The following PTBP3 variants were observed in gnomAD, a reference collection of about 807,000 sequenced individuals.
The protein encoded by PTBP3 is polypyrimidine tract binding protein 3.
PTBP3 carries 20 observed loss-of-function variants against 58.7 expected under a neutral mutation model. The observed-to-expected ratio is 0.34, with a 90% CI of 0.24 to 0.50. PTBP3 has a LOEUF of 0.50. Ranked by LOEUF, PTBP3 falls within the 20% of genes least tolerant of loss-of-function variation. The pLI, the probability that PTBP3 is intolerant of heterozygous loss-of-function variation, is 0.98. For missense variants in PTBP3, 509 were observed against 637.2 expected (o/e 0.80, Z 2.17); for synonymous variants, 185 against 219.8 (o/e 0.84, Z 1.40).
chr9:112,234,939 T>C, intron 7 of PTBP3, 42 bp from the exon 8 acceptor site: 2 of 1,494,378 alleles, frequency 1.3e-6, no homozygotes, highest in East Asian at 2.3e-5. Flanking sequence ...CTACCTTCTA[T>C]AAATATCGTT....
At chr9:112,228,784 C>CTGGG (rs1835091771) in intron 10 of PTBP3, among the ~76,000 whole-genome samples, 1 of 152,202 alleles carries the variant, frequency 6.6e-6, no homozygotes, top group African/African-American at 2.4e-5. Context: ...AGCCAGAAAC[C>CTGGG]TGGGAGTCAT....
chr9:112,346,506 T>C, the PTBP3 span, among the ~76,000 whole-genome samples: 8 of 152,130 alleles, frequency 5.3e-5, no homozygotes, highest in Admixed American at 2.0e-4. Flanking sequence ...AGGAGGCATT[T>C]AGGGGAAAAA....
chr9:112,306,205 C>T (rs1374531095), intron 1 of PTBP3, among the ~76,000 whole-genome samples: 2 of 151,944 alleles, frequency 1.3e-5, no homozygotes, highest in Non-Finnish European at 2.9e-5. Context: ...CACTCTGTCG[C>T]CCAGGCTGAA....
rs1834720551 is a variant in PTBP3 at position 112,219,121 on chromosome 9, G to A, written c.*4730C>T. 1 of 152,588 alleles carries A rather than the reference G, an allele frequency of 6.6e-6. No individual in the cohort carries two copies. The highest frequency in any genetic ancestry group is 1.5e-5 in the Non-Finnish European group (1 of 68,054). The allele number at this position is 152,588 out of a possible 1,614,324, so 9.5% of individuals were successfully genotyped here. A position where few individuals can be genotyped will look rare whatever the true frequency, so the allele number is the denominator to read the frequency against. Reference sequence around the variant, plus strand: ...GGTTCTTCTTTCAGAAAGGAGCTTGGGGAAAATGCAAAATGCTTTACAGAG... The same window carrying A: ...GGTTCTTCTTTCAGAAAGGAGCTTGAGGAAAATGCAAAATGCTTTACAGAG... On this transcript the variant is annotated 3_prime_UTR_variant, in exon 14 of 14. Transcript: ENST00000374257.
intron 4 of PTBP3, 83 bp from the exon 5 acceptor site, chr9:112,262,682 T>G: frequency 7.9e-7 from 1 of 1,271,230 alleles, no homozygotes; most frequent in Non-Finnish European, 1.0e-6. Flanking sequence ...TAAAACAGTA[T>G]GAAGCAATGT....
At chr9:112,355,241 T>C in the PTBP3 span, among the ~76,000 whole-genome samples, 2 of 152,120 alleles carry the variant, frequency 1.3e-5, no homozygotes, top group Admixed American at 1.3e-4. Context: ...GAGGGAGATA[T>C]TAAAGGAAAT....
At chr9:112,379,836 C>G in the PTBP3 span, 1 of 503,864 alleles carries the variant, frequency 2.0e-6, no homozygotes, top group South Asian at 2.4e-5. Context: ...TGACGCTGCC[C>G]AGACGCTAGG....
At chr9:112,242,170 C>T (rs1162801133) in intron 7 of PTBP3, among the ~76,000 whole-genome samples, 1 of 151,886 alleles carries the variant, frequency 6.6e-6, no homozygotes, top group Non-Finnish European at 1.5e-5. Flanking sequence ...CTGTGTTGCC[C>T]GAAATGGAGT....
At position 112,268,052 on chromosome 9, in the gene PTBP3, T is replaced by G. The variant is rs951516692; in HGVS notation, c.348A>C (p.Gln116His). 6 of 1,608,150 alleles carry G rather than the reference T, an allele frequency of 3.7e-6. No individual in the cohort carries two copies. In the African/African-American group the frequency reaches 8.0e-5, roughly 22 times the overall value. ...TAAAAACATCTTTAATACTTACAGC[T>G]TGATTAGGTAGATTGTCAGTCTTAA... ...RELKTDNLPN[Q>H]ARAQAALQAV... Residue 116 changes from glutamine to histidine, a missense_variant, in exon 4 of 14, where the codon CAA becomes CAC. By Grantham distance (24) the Gln-to-His change is conservative. Around this residue, in one of 4 missense-constraint regions of PTBP3, gnomAD observed 212 missense variants for 215.3 expected, o/e 0.98. Coordinates refer to ENST00000374257, the MANE Select transcript of PTBP3 (RefSeq NM_001163788.4).
At chr9:112,284,728 A>G (rs554703849) in intron 2 of PTBP3, among the ~76,000 whole-genome samples, 12 of 152,104 alleles carry the variant, frequency 7.9e-5, no homozygotes, top group South Asian at 2.1e-4. Context: ...AAACAAAACA[A>G]CAACAACAAA....
chr9:112,231,990 A>AAAAG (rs1835245663), intron 9 of PTBP3, 109 bp downstream of exon 9: 1 of 564,162 alleles, frequency 1.8e-6, no homozygotes, highest in African/African-American at 3.9e-5. Flanking sequence ...AGAAGAGAAG[A>AAAAG]GAAGAGAAGA....
rs1827594828 is a variant in PTBP3, at chr9:112,276,006, C to T, written c.42G>A (p.Gly14=). The T allele has an allele frequency of 6.2e-7, 1 of 1,611,308 alleles. No homozygotes were observed. The highest frequency in any genetic ancestry group is 8.5e-7 in the Non-Finnish European group (1 of 1,178,244). The change falls in exon 3 of 14, where the codon GGG becomes GGA. Residue 14 remains glycine (G), a synonymous_variant. Transcript: ENST00000374257. ...CTCGTTTAAATTTCTTGCTGTCATT[C>T]CCATTAGCTAAAAAACATAAGATTC... ...STPSTGVYAN[G]NDSKKFKRDR... is the part of the protein sequence containing the mutation.
chr9:112,352,124 T>G, the PTBP3 span, among the ~76,000 whole-genome samples: 1 of 152,056 alleles, frequency 6.6e-6, no homozygotes, highest in Admixed American at 6.6e-5. Flanking sequence ...TCTCACCATG[T>G]TGCCCAGGCT....
intron 1 of PTBP3, among the ~76,000 whole-genome samples, chr9:112,324,658 TTTTA>T (rs1401326102): frequency 7.3e-6 from 1 of 137,806 alleles, no homozygotes; most frequent in Non-Finnish European, 1.6e-5. Context: ...TTTTTTTTTT[TTTTA>T]AAAAAAAACA....
intron 1 of PTBP3, among the ~76,000 whole-genome samples, chr9:112,329,845 C>CTTTTT (rs10660630): frequency 2.3e-5 from 3 of 131,964 alleles, no homozygotes; most frequent in African/African-American, 2.9e-5. Flanking sequence ...CTAGGCTACA[C>CTTTTT]TTTTTTTTTT....
rs183218511 is a variant in PTBP3 at position 112,320,947 on chromosome 9, T to G, written c.-52+12523A>C. ...ATAAATGAGAAAATCTTCCTTCTCA[T>G]CTTTGGAATAAGCAGATTCCTTAGC... On this transcript the variant is annotated intron_variant, in intron 1 of 13. Transcript: ENST00000374257. Among the ~76,000 whole-genome samples the G allele has an allele frequency of 3.3e-4, 51 of 152,272 alleles. No individual in the cohort carries two copies. In the East Asian group the frequency reaches 9.1e-3, roughly 27 times the overall value.
At chr9:112,226,555 C>G (rs1000862758) in intron 12 of PTBP3, among the ~76,000 whole-genome samples, 10 of 152,112 alleles carry the variant, frequency 6.6e-5, no homozygotes, top group African/African-American at 2.2e-4. Context: ...ACAAAACTGC[C>G]ATTTTTGTAG....
chr9:112,363,411 C>A, the PTBP3 span, among the ~76,000 whole-genome samples: 2 of 151,618 alleles, frequency 1.3e-5, no homozygotes, highest in Admixed American at 1.3e-4. Flanking sequence ...CCCAGTTACT[C>A]GGGAGGCTGA....
At chr9:112,333,419 G>A (rs1245502820) in intron 1 of PTBP3, 51 bp downstream of exon 1, 1 of 1,558,244 alleles carries the variant, frequency 6.4e-7, no homozygotes, top group Non-Finnish European at 8.7e-7. Context: ...GAGCCGGGTG[G>A]AAGCGGCGCC....
Sources: allele counts gnomAD v4.1 joint callset (sites outside exome capture counted in the v4.1 genomes callset), GRCh38; gene constraint gnomAD v4.1.1; regional missense constraint gnomAD v4.1.1; transcripts MANE v1.5; gene names NCBI Gene and HGNC (gene_info 2026-07-23, HGNC 2026-07-21).